The following SYNE1 variants were observed in gnomAD, a reference collection of about 807,000 sequenced individuals.
The protein encoded by SYNE1 is nesprin-1.
Under a neutral mutation model 1,111.0 loss-of-function variants are expected in SYNE1, and 616 were observed. The ratio of observed to expected loss-of-function variants is 0.55; its 90% CI spans 0.52 to 0.59. The LOEUF is 0.59. SYNE1 is among the 20% of genes least tolerant of loss of function. SYNE1 has a pLI of 0.00. For synonymous variants in SYNE1, 3,855 were observed against 3,825.8 expected (o/e 1.01, Z -0.28); for missense variants, 10,006 against 10,417.0 (o/e 0.96, Z 1.72).
chr6:152,151,753 G>A, intron 134 of SYNE1, 63 bp from the exon 135 acceptor site: 1 of 1,575,132 alleles, frequency 6.3e-7, no homozygotes. Flanking sequence ...AACATATGGA[G>A]ATGGCACAGC....
At chr6:152,286,948 A>G (rs778640717) in intron 95 of SYNE1, among the ~76,000 whole-genome samples, 3 of 152,240 alleles carry the variant, frequency 2.0e-5, no homozygotes, top group Non-Finnish European at 4.4e-5. Flanking sequence ...CTTCTGTAAG[A>G]ATGCTACTCA....
chr6:152,129,551 T>C (rs2054747612), intron 145 of SYNE1: 1 of 114,956 alleles, frequency 8.7e-6, no homozygotes, highest in Non-Finnish European at 1.8e-5. Context: ...CTATTTTGTT[T>C]AGGCTAGAAA....
intron 60 of SYNE1, 94 bp from the exon 61 acceptor site, chr6:152,369,221 A>AG (rs1563433919): frequency 2.6e-6 from 4 of 1,525,510 alleles, no homozygotes; most frequent in Non-Finnish European, 2.7e-6. Flanking sequence ...CAACACTGGC[A>AG]GGCAGTCCGT....
At chr6:152,573,207 G>A (rs1390391233) in intron 3 of SYNE1, among the ~76,000 whole-genome samples, 1 of 151,852 alleles carries the variant, frequency 6.6e-6, no homozygotes, top group African/African-American at 2.4e-5. Context: ...TATACTTTAA[G>A]TTTTAGGGTA....
At position 152,391,509 on chromosome 6, in the gene SYNE1, G is replaced by A; in HGVS notation, c.7772C>T (p.Ala2591Val). 19 of 1,610,548 alleles carry A rather than the reference G, an allele frequency of 1.2e-5. No homozygotes were observed. Among genetic ancestry groups the A allele is most frequent in the Non-Finnish European group, 1.6e-5 (19 of 1,179,554 alleles). Reference protein sequence around the residue: ...GQLLSEEGHGAGQEGRLCSQL... With the variant: ...GQLLSEEGHGVGQEGRLCSQL... ...GGAACACAGGCGGCCCTCCTGCCCAGCACCGTGGCCTTCTTCACTCAGAAG... is the reference window on the plus strand; with the variant it reads ...GGAACACAGGCGGCCCTCCTGCCCAACACCGTGGCCTTCTTCACTCAGAAG... Residue 2591 changes from alanine (A) to valine (V), a missense_variant, in exon 52 of 146, where the codon GCT becomes GTT. By Grantham distance (64) the Ala-to-Val change is moderately conservative (BLOSUM62 0). Transcript: ENST00000367255.
Position 152,361,766 on chromosome 6 carries a change from T to TA in SYNE1, c.10299+403dup, listed in dbSNP as rs1263001449. 4.3e-4 allele frequency among the ~76,000 whole-genome samples: 65 copies of TA among 151,734 alleles called. 2 individuals carry two copies. The highest frequency in any genetic ancestry group is 5.9e-4 in the Admixed American group (9 of 15,254). The stretch of plus-strand genomic sequence containing the variant: ...AAGAACATGCCATTATTTATTTATT[T>TA]AAAAAAATCTTTCCATGTAGTACTG... On this transcript the variant is annotated intron_variant, in intron 64 of 145. Transcript: ENST00000367255.
intron 8 of SYNE1, 70 bp downstream of exon 8, chr6:152,510,123 G>C: frequency 2.8e-6 from 4 of 1,447,638 alleles, no homozygotes; most frequent in Non-Finnish European, 3.9e-6. Flanking sequence ...GCAATCATTA[G>C]AAGTTGCAAT....
chr6:152,236,690 C>A, intron 109 of SYNE1, 127 bp downstream of exon 109: 1 of 1,188,008 alleles, frequency 8.4e-7, no homozygotes, highest in East Asian at 2.4e-5. Context: ...ACATTATCTC[C>A]TTTCAATGTC....
chr6:152,426,725 C>T (rs1309294657), intron 38 of SYNE1, among the ~76,000 whole-genome samples: 1 of 152,222 alleles, frequency 6.6e-6, no homozygotes. Flanking sequence ...GGGAAACAGT[C>T]AGTACAGGTT....
chr6:152,502,563 C>A, intron 10 of SYNE1, 70 bp downstream of exon 10: 1 of 1,182,880 alleles, frequency 8.5e-7, no homozygotes, highest in Non-Finnish European at 1.3e-6. Context: ...TTTTTGAGAA[C>A]AGTATACTCA....
intron 127 of SYNE1, among the ~76,000 whole-genome samples, chr6:152,193,057 T>C (rs1230884115): frequency 1.3e-5 from 2 of 152,208 alleles, no homozygotes; most frequent in African/African-American, 4.8e-5. Flanking sequence ...TCATTTATAT[T>C]AAATGTTGTT....
At chr6:152,377,285 A>G (rs1277097475) in intron 56 of SYNE1, among the ~76,000 whole-genome samples, 1 of 152,114 alleles carries the variant, frequency 6.6e-6, no homozygotes, top group Non-Finnish European at 1.5e-5. Flanking sequence ...AAATTATTTT[A>G]AAGAAAAGCA....
chr6:152,122,689 T>G lies in SYNE1; in HGVS notation c.26154-13A>C, dbSNP rs2051700605. ...ACCTTTTGTGGACCTGAGAGAAGAA[T>G]GGACATAAATTACTCAGATAACTCC... On this transcript the variant is annotated splice_polypyrimidine_tract_variant and intron_variant, in intron 145 of 145. Transcript: ENST00000367255. The G allele has an allele frequency of 3.7e-6, 6 of 1,613,676 alleles. No homozygotes were observed. Among genetic ancestry groups the G allele is most frequent in the Non-Finnish European group, 5.1e-6 (6 of 1,179,882 alleles).
intron 3 of SYNE1, among the ~76,000 whole-genome samples, chr6:152,559,353 A>G (rs534851376): frequency 1.3e-5 from 2 of 152,212 alleles, no homozygotes; most frequent in South Asian, 2.1e-4. Context: ...CTCCCACCTC[A>G]GCCTCCTAAA....
chr6:152,491,753 T>C (rs1227086827), intron 11 of SYNE1, among the ~76,000 whole-genome samples: 1 of 152,052 alleles, frequency 6.6e-6, no homozygotes, highest in Non-Finnish European at 1.5e-5. Context: ...ACAAATCTTC[T>C]TTCTCTCCTG....
chr6:152,459,114 G>A (rs965384338), intron 21 of SYNE1, among the ~76,000 whole-genome samples, 184 bp from the exon 22 acceptor site: 14 of 151,776 alleles, frequency 9.2e-5, no homozygotes, highest in African/African-American at 2.9e-4. Flanking sequence ...AAAAATAATA[G>A]TGCTGTACCA....
chr6:152,181,361 G>T lies in SYNE1; in HGVS notation c.23302-1067C>A, dbSNP rs574010039. Among the ~76,000 whole-genome samples, 3 of 152,212 alleles carry T rather than the reference G, an allele frequency of 2.0e-5. No homozygotes were observed. The East Asian group carries it at 5.8e-4, about 29-fold the overall frequency. Reference sequence around the variant, plus strand: ...CAGGAGGCAGAGGTTGCAGTGAGCCGAGATTGTGTCACTGTGTTCCAGCCT... The same window carrying T: ...CAGGAGGCAGAGGTTGCAGTGAGCCTAGATTGTGTCACTGTGTTCCAGCCT... On this transcript the variant is annotated intron_variant, in intron 128 of 145. Coordinates refer to ENST00000367255, the MANE Select transcript of SYNE1 (RefSeq NM_182961.4).
chr6:152,599,457 G>T (rs2099590943), intron 3 of SYNE1, among the ~76,000 whole-genome samples: 1 of 152,168 alleles, frequency 6.6e-6, no homozygotes, highest in Non-Finnish European at 1.5e-5. Context: ...AATGTCTTTG[G>T]TTCCCAAAGG....
At chr6:152,489,670 CT>C (rs1384101808) in intron 11 of SYNE1, among the ~76,000 whole-genome samples, 6 of 152,106 alleles carry the variant, frequency 3.9e-5, no homozygotes, top group Admixed American at 1.3e-4. Flanking sequence ...TGCCTAAACA[CT>C]TACCACATTT....
Sources: allele counts gnomAD v4.1 joint callset (sites outside exome capture counted in the v4.1 genomes callset), GRCh38; gene constraint gnomAD v4.1.1; transcripts MANE v1.5; gene names NCBI Gene and HGNC (gene_info 2026-07-23, HGNC 2026-07-21).